UNC5D: variants seen among roughly 807,000 people sequenced by gnomAD.
UNC5D encodes unc-5 netrin receptor D.
UNC5D carries 39 observed loss-of-function variants against 105.4 expected under a neutral mutation model. The observed-to-expected ratio is 0.37, with a 90% CI of 0.29 to 0.48. UNC5D has a LOEUF of 0.48. UNC5D is among the 20% of genes least tolerant of loss of function. The pLI is 0.98. For missense variants in UNC5D, 991 were observed against 1,202.4 expected, an observed-to-expected ratio of 0.82 and a Z score of 2.60; for synonymous variants, 452 against 450.4, an observed-to-expected ratio of 1.00 and a Z score of -0.04.
chr8:35,411,677 A>G (rs1178067077), intron 1 of UNC5D, among the ~76,000 whole-genome samples: 1 of 152,032 alleles, frequency 6.6e-6, no homozygotes, highest in Non-Finnish European at 1.5e-5. Context: ...TCCTTTAACT[A>G]ACTTTATTTT....
chr8:35,540,899 G>T (rs767308016), intron 1 of UNC5D, among the ~76,000 whole-genome samples: 9 of 152,096 alleles, frequency 5.9e-5, no homozygotes, highest in Non-Finnish European at 1.3e-4. Context: ...GGACCAGCAT[G>T]GGTTCTCTTG....
chr8:35,431,308 C>T (rs909407146), intron 1 of UNC5D, among the ~76,000 whole-genome samples: 1 of 152,140 alleles, frequency 6.6e-6, no homozygotes, highest in Admixed American at 6.6e-5. Flanking sequence ...ATCTGAACAT[C>T]ACCACCTGCA....
intron 1 of UNC5D, among the ~76,000 whole-genome samples, chr8:35,256,959 GTTTTTTTTTTT>G (rs71541893): frequency 2.0e-5 from 2 of 102,522 alleles, no homozygotes; most frequent in Admixed American, 1.0e-4. Flanking sequence ...CTCTTTTTTT[GTTTTTTTTTTT>G]TTTTTGTTTT....
intron 2 of UNC5D, among the ~76,000 whole-genome samples, chr8:35,556,440 G>T (rs1816555238): frequency 6.6e-6 from 1 of 152,102 alleles, no homozygotes; most frequent in Admixed American, 6.5e-5. Flanking sequence ...TCCTGATCCA[G>T]ACCCCAAGAG....
At position 35,604,745 on chromosome 8, in the gene UNC5D, T is replaced by C. The variant is rs564959932; in HGVS notation, c.570+9088T>C. The stretch of plus-strand genomic sequence containing the variant: ...TTTCTTGGAGGCTTTGTTCGTTTCT[T>C]TTTATTCTTTTTTCTCTAAACTTCT... On this transcript the variant is annotated intron_variant, in intron 4 of 16. Transcript: ENST00000404895. Among the ~76,000 whole-genome samples, 4 of 152,290 alleles carry C rather than the reference T, an allele frequency of 2.6e-5. No homozygotes were observed. In the South Asian group the frequency reaches 8.3e-4, roughly 32 times the overall value.
chr8:35,616,632 A>G (rs762191815), intron 4 of UNC5D, among the ~76,000 whole-genome samples: 5 of 152,188 alleles, frequency 3.3e-5, no homozygotes, highest in Non-Finnish European at 7.3e-5. Context: ...CACTATTGAC[A>G]AAACCTGTCT....
At chr8:35,759,091 A>G (rs1025537002) in intron 13 of UNC5D, among the ~76,000 whole-genome samples, 4 of 152,182 alleles carry the variant, frequency 2.6e-5, no homozygotes, top group African/African-American at 9.6e-5. Context: ...CAACACAAAT[A>G]ATAAAAAACA....
intron 1 of UNC5D, among the ~76,000 whole-genome samples, chr8:35,394,363 T>A (rs866127831): frequency 6.6e-6 from 1 of 152,182 alleles, no homozygotes; most frequent in Admixed American, 6.5e-5. Flanking sequence ...AGTTACAATG[T>A]TGTGAAAATA....
At chr8:35,619,930 G>T (rs1233165197) in intron 4 of UNC5D, among the ~76,000 whole-genome samples, 1 of 151,434 alleles carries the variant, frequency 6.6e-6, no homozygotes, top group African/African-American at 2.4e-5. Flanking sequence ...TATTCCTGAT[G>T]TAGAGCAGTG....
At chr8:35,560,980 G>GCCCTGGT (rs1442255655) in intron 2 of UNC5D, among the ~76,000 whole-genome samples, 1 of 152,148 alleles carries the variant, frequency 6.6e-6, no homozygotes, top group African/African-American at 2.4e-5. Context: ...ATAGTAGGGT[G>GCCCTGGT]CCCTGGTCCC....
At chr8:35,678,164 G>A (rs1453718197) in intron 4 of UNC5D, among the ~76,000 whole-genome samples, 1 of 152,124 alleles carries the variant, frequency 6.6e-6, no homozygotes, top group Non-Finnish European at 1.5e-5. Flanking sequence ...TGTGCACCAA[G>A]CATCTTGAGC....
At chr8:35,326,229 C>T (rs149261724) in intron 1 of UNC5D, among the ~76,000 whole-genome samples, 1 of 152,192 alleles carries the variant, frequency 6.6e-6, no homozygotes, top group African/African-American at 2.4e-5. Context: ...TGTTCAAGTT[C>T]CCTCCAACTC....
intron 1 of UNC5D, among the ~76,000 whole-genome samples, chr8:35,386,925 G>A (rs1803436324): frequency 6.6e-6 from 1 of 151,980 alleles, no homozygotes; most frequent in Admixed American, 6.6e-5. Flanking sequence ...ATGAGGGGGA[G>A]TTAAAGATTG....
intron 1 of UNC5D, among the ~76,000 whole-genome samples, chr8:35,275,048 A>C (rs1272587215): frequency 2.0e-5 from 3 of 151,836 alleles, no homozygotes; most frequent in Non-Finnish European, 4.4e-5. Context: ...CCAAGATCGC[A>C]CCACTGCACT....
Position 35,555,308 on chromosome 8 carries a change from C to T in UNC5D, c.322+5798C>T, listed in dbSNP as rs556121451. ...AAATGTTATGAATTCCCTACATAAACTGGTAGAGTATGAAGGCCTTGTTTC... is the reference window on the plus strand; with the variant it reads ...AAATGTTATGAATTCCCTACATAAATTGGTAGAGTATGAAGGCCTTGTTTC... On this transcript the variant is annotated intron_variant, in intron 2 of 16. Transcript: ENST00000404895. Among the ~76,000 whole-genome samples, 5 of 152,274 alleles carry T rather than the reference C, an allele frequency of 3.3e-5. No individual in the cohort carries two copies. The South Asian group carries it at 1.0e-3, about 32-fold the overall frequency.
intron 1 of UNC5D, among the ~76,000 whole-genome samples, chr8:35,334,303 G>C (rs1810854606): frequency 6.6e-6 from 1 of 152,126 alleles, no homozygotes; most frequent in South Asian, 2.1e-4. Flanking sequence ...TTACTAGCAA[G>C]AAGGTAACAA....
chr8:35,431,442 T>C (rs1806628101), intron 1 of UNC5D, among the ~76,000 whole-genome samples: 1 of 152,178 alleles, frequency 6.6e-6, no homozygotes, highest in African/African-American at 2.4e-5. Context: ...AACTTAAACA[T>C]TTATTTCAAG....
At chr8:35,491,197 G>A (rs1045552469) in intron 1 of UNC5D, among the ~76,000 whole-genome samples, 14 of 152,100 alleles carry the variant, frequency 9.2e-5, no homozygotes, top group Admixed American at 8.5e-4. Context: ...ATCAAAAAAG[G>A]ACGTCCTTCC....
chr8:35,320,361 T>C (rs940568812), intron 1 of UNC5D, among the ~76,000 whole-genome samples: 2 of 152,022 alleles, frequency 1.3e-5, no homozygotes, highest in East Asian at 3.9e-4. Context: ...GTTTTAATCA[T>C]GCAGATGAAG....
Sources: allele counts gnomAD v4.1 joint callset (sites outside exome capture counted in the v4.1 genomes callset), GRCh38; gene constraint gnomAD v4.1.1; transcripts MANE v1.5; gene names NCBI Gene and HGNC (gene_info 2026-07-23, HGNC 2026-07-21).